The following NUDT1 variants were observed in gnomAD, a reference collection of about 807,000 sequenced individuals.
NUDT1 encodes the protein nudix hydrolase 1.
A neutral mutation model predicts 11.3 loss-of-function variants in NUDT1; 16 were observed. The ratio of observed to expected loss-of-function variants is 1.41; its 90% CI spans 0.96 to 2.15. NUDT1 has a LOEUF of 2.15. NUDT1 is among the 30% of genes most tolerant of loss of function. The probability of loss-of-function intolerance (pLI) is 0.00; values close to 1 mark genes in which losing one functional copy is unlikely to be tolerated. For missense variants in NUDT1, 234 were observed against 208.4 expected (o/e 1.12, Z -0.76); for synonymous variants, 101 against 84.4 (o/e 1.20, Z -1.08).
intron 2 of NUDT1, among the ~76,000 whole-genome samples, chr7:2,245,887 G>A (rs1346719076): frequency 6.6e-6 from 1 of 150,904 alleles, no homozygotes; most frequent in African/African-American, 2.4e-5. Flanking sequence ...CGGGGTACAT[G>A]GGTCCCAACC....
chr7:2,250,755 G>T (rs930757014), intron 3 of NUDT1, 74 bp from the exon 4 acceptor site: 2 of 1,582,276 alleles, frequency 1.3e-6, no homozygotes, highest in Non-Finnish European at 1.7e-6. Context: ...ACCGCGCCCG[G>T]CCAAAAAAAA....
intron 3 of NUDT1, among the ~76,000 whole-genome samples, 177 bp downstream of exon 3, chr7:2,250,179 A>G (rs1014820868): frequency 6.6e-6 from 1 of 152,262 alleles, no homozygotes; most frequent in Non-Finnish European, 1.5e-5. Flanking sequence ...CCGAGGCTCC[A>G]GTAGCGTACC....
At position 2,242,274 on chromosome 7, in the gene NUDT1, G is replaced by T. The variant is rs1794572605; in HGVS notation, c.-13+18G>T. On this transcript the variant is annotated intron_variant, in intron 1 of 3. Coordinates refer to ENST00000356714, the MANE Select transcript of NUDT1 (RefSeq NM_002452.4). ...CGGTGCAGGTACGAAAAGCGCGCGCGGGGATTCCAGGAGTCGTGGTGACCA... is the reference window on the plus strand; with the variant it reads ...CGGTGCAGGTACGAAAAGCGCGCGCTGGGATTCCAGGAGTCGTGGTGACCA... The T allele has an allele frequency of 2.6e-6, 3 of 1,158,568 alleles. No homozygotes were observed. Among genetic ancestry groups the T allele is most frequent in the Admixed American group, 2.8e-5 (1 of 35,712 alleles). The allele number at this position is 1,158,568 out of a possible 1,614,324, so 71.8% of individuals were successfully genotyped here. A position where few individuals can be genotyped will look rare whatever the true frequency, so the allele number is the denominator to read the frequency against.
At chr7:2,244,815 A>T (rs1794708426) in intron 2 of NUDT1, 89 bp downstream of exon 2, 1 of 1,485,400 alleles carries the variant, frequency 6.7e-7, no homozygotes, top group South Asian at 1.2e-5. Context: ...TTTCACCACT[A>T]AGAGCTAAGT....
In NUDT1 at chr7:2,250,890, C is replaced by T. The variant is rs377540407; in HGVS notation, c.360C>T (p.Asp120=). 1 of 1,614,216 alleles carries T rather than the reference C, an allele frequency of 6.2e-7. No individual in the cohort carries two copies. The highest frequency in any genetic ancestry group is 8.5e-7 in the Non-Finnish European group (1 of 1,180,032). ...QIPFKDMWPD[D]SYWFPLLLQK... is the part of the protein sequence containing the mutation. ...CCTTCAAGGACATGTGGCCCGACGA[C>T]AGCTACTGGTTTCCACTCCTGCTTC... The change falls in exon 4 of 4, where the codon GAC becomes GAT. Residue 120 remains aspartate (D), a synonymous_variant. Coordinates refer to ENST00000356714, the MANE Select transcript of NUDT1 (RefSeq NM_002452.4).
intron 1 of NUDT1, 170 bp from the exon 2 acceptor site, chr7:2,244,393 G>C: frequency 1.7e-6 from 1 of 604,636 alleles, no homozygotes; most frequent in Non-Finnish European, 2.8e-6. Context: ...TGGTTCAATG[G>C]CAGTTTTCCA....
At chr7:2,248,234 G>A (rs1211709559) in intron 2 of NUDT1, 1 of 152,264 alleles carries the variant, frequency 6.6e-6, no homozygotes, top group Non-Finnish European at 1.5e-5. Flanking sequence ...ATGGTAAGAG[G>A]AGGAGACTGA....
chr7:2,244,042 G>A (rs1200279361), intron 1 of NUDT1, among the ~76,000 whole-genome samples: 1 of 152,204 alleles, frequency 6.6e-6, no homozygotes, highest in Non-Finnish European at 1.5e-5. Context: ...TGTGTCTACA[G>A]CCACACATTT....
At position 2,249,843 on chromosome 7, in the gene NUDT1, AC is replaced by A; in HGVS notation, c.153-12del. On this transcript the variant is annotated splice_polypyrimidine_tract_variant and intron_variant, in intron 2 of 3. Coordinates refer to ENST00000356714, the MANE Select transcript of NUDT1 (RefSeq NM_002452.4). ...CCCTGACGGCCTCCCTCCCCTGCCCACCTCTGCCCGCAGGGAGCTGCAGGAG... is the reference window on the plus strand; with the variant it reads ...CCCTGACGGCCTCCCTCCCCTGCCCACTCTGCCCGCAGGGAGCTGCAGGAG... 1 of 1,611,956 alleles carries A rather than the reference AC, an allele frequency of 6.2e-7. No individual in the cohort carries two copies. Among genetic ancestry groups the A allele is most frequent in the Non-Finnish European group, 8.5e-7 (1 of 1,179,928 alleles).
intron 1 of NUDT1, 35 bp downstream of exon 1, chr7:2,242,291 T>G: frequency 4.0e-6 from 4 of 993,996 alleles, no homozygotes; most frequent in Non-Finnish European, 5.7e-6. Flanking sequence ...CCAGGAGTCG[T>G]GGTGACCAGG....
In NUDT1 at chr7:2,251,087, G is replaced by C; in HGVS notation, c.*86G>C. The C allele has an allele frequency of 2.2e-6, 3 of 1,378,444 alleles. No individual in the cohort carries two copies. The Admixed American group carries it at 5.1e-5, about 23-fold the overall frequency. The allele number at this position is 1,378,444 out of a possible 1,614,324, so 85.4% of individuals were successfully genotyped here. On this transcript the variant is annotated 3_prime_UTR_variant, in exon 4 of 4. Coordinates refer to ENST00000356714, the MANE Select transcript of NUDT1 (RefSeq NM_002452.4). ...TCACCTGGGGGCATTGAGTGGCGCA[G>C]AGCCGGGTTTCATCTGGAATTAACT... is the stretch of plus-strand genomic sequence containing the variant.
chr7:2,243,698 G>A (rs1794649675), intron 1 of NUDT1, among the ~76,000 whole-genome samples: 1 of 152,244 alleles, frequency 6.6e-6, no homozygotes, highest in Admixed American at 6.5e-5. Context: ...GCTTCAGCCA[G>A]GGAGGCGGAG....
chr7:2,249,565 C>T, intron 2 of NUDT1: 1 of 475,070 alleles, frequency 2.1e-6, no homozygotes, highest in Non-Finnish European at 3.9e-6. Flanking sequence ...CACTGGTACA[C>T]AGAGGGCACT....
chr7:2,248,628 T>C (rs899832691), intron 2 of NUDT1, among the ~76,000 whole-genome samples: 6 of 149,310 alleles, frequency 4.0e-5, no homozygotes, highest in Non-Finnish European at 7.4e-5. Flanking sequence ...CCCAGCTCAC[T>C]GCAGCCTCCA....
intron 2 of NUDT1, among the ~76,000 whole-genome samples, chr7:2,244,957 G>A (rs1242365808): frequency 6.6e-6 from 1 of 152,238 alleles, no homozygotes; most frequent in East Asian, 1.9e-4. Context: ...GGTGCGCGGT[G>A]TGCGGTGCGT....
rs1231299121 is a variant in NUDT1 at position 2,244,545 on chromosome 7, C to G, written c.-12-18C>G. The stretch of plus-strand genomic sequence containing the variant: ...CACGCACGTCATGGCTGACTCTGCC[C>G]TCTCACCTTCCTTTCAGAACCCAGG... On this transcript the variant is annotated intron_variant, in intron 1 of 3. Coordinates refer to ENST00000356714, the MANE Select transcript of NUDT1 (RefSeq NM_002452.4). 3 of 1,531,872 alleles carry G rather than the reference C, an allele frequency of 2.0e-6. No homozygotes were observed. Among genetic ancestry groups the G allele is most frequent in the African/African-American group, 1.4e-5 (1 of 72,346 alleles). 94.9% of individuals were successfully genotyped at this position (1,531,872 alleles called of 1,614,324 possible).
intron 2 of NUDT1, among the ~76,000 whole-genome samples, chr7:2,247,106 G>A (rs945419876): frequency 6.6e-6 from 1 of 152,176 alleles, no homozygotes; most frequent in African/African-American, 2.4e-5. Flanking sequence ...GCACGGCCCT[G>A]GGCTTCAGTA....
At position 2,243,886 on chromosome 7, in the gene NUDT1, C is replaced by T. The variant is rs111493163; in HGVS notation, c.-12-677C>T. On this transcript the variant is annotated intron_variant, in intron 1 of 3. Transcript: ENST00000356714. The stretch of plus-strand genomic sequence containing the variant: ...AGAGTCCTCTGGACCTGGACCTGCA[C>T]ACCTATGGGAGCAGGAAGGACCCTT... Among the ~76,000 whole-genome samples, 236 of 152,360 alleles carry T rather than the reference C, an allele frequency of 1.5e-3. 2 individuals carry two copies. The highest frequency in any genetic ancestry group is 5.5e-3 in the African/African-American group (229 of 41,578).
intron 2 of NUDT1, chr7:2,249,429 G>A (rs1028908908): frequency 5.0e-5 from 13 of 260,624 alleles, no homozygotes; most frequent in African/African-American, 2.7e-4. Flanking sequence ...CGCTGCATGG[G>A]CTCTGATGCT....
Sources: gnomAD v4.1 joint callset for allele counts (sites outside exome capture counted in the v4.1 genomes callset) on GRCh38, gnomAD v4.1.1 for gene constraint, MANE v1.5 for transcripts, NCBI Gene and HGNC (gene_info 2026-07-23, HGNC 2026-07-21) for gene names.